The following LOC400499 variants were observed in gnomAD, a reference collection of about 807,000 sequenced individuals.
chr16:11,457,316 G>A, the LOC400499 span, among the ~76,000 whole-genome samples: 5 of 152,310 alleles, frequency 3.3e-5, no homozygotes, highest in South Asian at 4.1e-4. Flanking sequence ...AGATCGGGCC[G>A]GGCACGGTGG....
chr16:11,440,343 C>T, the LOC400499 span, among the ~76,000 whole-genome samples: 1 of 152,162 alleles, frequency 6.6e-6, no homozygotes, highest in Non-Finnish European at 1.5e-5. Context: ...GTGATGAGAA[C>T]CCAGGCAGGA....
chr16:11,484,306 C>A, the LOC400499 span, among the ~76,000 whole-genome samples: 1 of 152,070 alleles, frequency 6.6e-6, no homozygotes, highest in East Asian at 1.9e-4. Flanking sequence ...TACGCCCGGC[C>A]GCAGGAAGAG....
the LOC400499 span, among the ~76,000 whole-genome samples, chr16:11,414,746 TG>T: frequency 2.6e-5 from 4 of 152,224 alleles, no homozygotes; most frequent in African/African-American, 9.6e-5. Flanking sequence ...CTTCTCTCAT[TG>T]AAGTTGAAGT....
At chr16:11,418,724 A>C in the LOC400499 span, among the ~76,000 whole-genome samples, 3 of 152,218 alleles carry the variant, frequency 2.0e-5, no homozygotes, top group Non-Finnish European at 2.9e-5. Flanking sequence ...TTCACAACAC[A>C]ATAGCAGTAG....
chr16:11,421,402 T>C, the LOC400499 span, among the ~76,000 whole-genome samples: 3 of 151,700 alleles, frequency 2.0e-5, no homozygotes. Flanking sequence ...CTGGTATTTT[T>C]TGTGTTGTTT....
At chr16:11,425,051 T>C in the LOC400499 span, 2 of 398,352 alleles carry the variant, frequency 5.0e-6, no homozygotes, top group Non-Finnish European at 8.9e-6. Context: ...TGGAGGCTCA[T>C]TTATCCCCCC....
At chr16:11,452,201 G>GTTT in the LOC400499 span, among the ~76,000 whole-genome samples, 6 of 77,198 alleles carry the variant, frequency 7.8e-5, no homozygotes, top group African/African-American at 2.1e-4. Context: ...CAGTTTTTTT[G>GTTT]TTTGTTTTTT....
chr16:11,448,906 C>A, the LOC400499 span: 2 of 1,457,738 alleles, frequency 1.4e-6, no homozygotes, highest in Non-Finnish European at 1.8e-6. Context: ...GCACGGGCCT[C>A]CTGGGTTCTT....
the LOC400499 span, among the ~76,000 whole-genome samples, chr16:11,372,935 A>G: frequency 7.2e-5 from 11 of 152,340 alleles, no homozygotes; most frequent in Admixed American, 6.5e-4. Flanking sequence ...CTACAGCTGC[A>G]GGGCCTTTGC....
chr16:11,430,046 A>C, the LOC400499 span, among the ~76,000 whole-genome samples: 1 of 152,178 alleles, frequency 6.6e-6, no homozygotes, highest in Non-Finnish European at 1.5e-5. Context: ...AACGTTGGAC[A>C]AACAGACAGA....
the LOC400499 span, chr16:11,399,661 G>A: frequency 1.8e-5 from 7 of 398,640 alleles, no homozygotes; most frequent in African/African-American, 4.1e-5. Flanking sequence ...CTGGAGCGAG[G>A]GGGACCCCCT....
At chr16:11,385,541 T>G in the LOC400499 span, 4 of 570,376 alleles carry the variant, frequency 7.0e-6, no homozygotes, top group Non-Finnish European at 1.0e-5. Flanking sequence ...GAGGCCTGGA[T>G]TCCCCCTCCC....
chr16:11,426,920 A>C, the LOC400499 span, among the ~76,000 whole-genome samples: 1 of 141,614 alleles, frequency 7.1e-6, no homozygotes, highest in Non-Finnish European at 1.5e-5. Context: ...AAAGGCATAA[A>C]AATCAAAATG....
At chr16:11,507,530 C>G in the LOC400499 span, among the ~76,000 whole-genome samples, 1 of 152,184 alleles carries the variant, frequency 6.6e-6, no homozygotes, top group African/African-American at 2.4e-5. Flanking sequence ...GTTTCCTCAT[C>G]TGTAAAATGG....
the LOC400499 span, among the ~76,000 whole-genome samples, chr16:11,432,851 G>T: frequency 6.6e-6 from 1 of 152,218 alleles, no homozygotes; most frequent in Admixed American, 6.5e-5. Context: ...CTGCTAGGAA[G>T]CTCAGAGCCA....
At chr16:11,469,678 CAG>C in the LOC400499 span, 11 of 398,938 alleles carry the variant, frequency 2.8e-5, no homozygotes, top group African/African-American at 1.2e-4. Context: ...CTGGAAATAG[CAG>C]AGTCTTCAAG....
chr16:11,423,797 C>G, the LOC400499 span, among the ~76,000 whole-genome samples: 2 of 152,256 alleles, frequency 1.3e-5, no homozygotes, highest in Non-Finnish European at 2.9e-5. Flanking sequence ...CCTCTACCAT[C>G]TTCATTCTAC....
chr16:11,388,746 C>A, the LOC400499 span, among the ~76,000 whole-genome samples: 1 of 152,314 alleles, frequency 6.6e-6, no homozygotes, highest in East Asian at 1.9e-4. Flanking sequence ...TAGGAACTCC[C>A]AGTCACATCC....
chr16:11,439,988 G>A, the LOC400499 span, among the ~76,000 whole-genome samples: 23 of 152,102 alleles, frequency 1.5e-4, no homozygotes, highest in African/African-American at 5.1e-4. Context: ...TAGCAAAACT[G>A]AGGCTCAGTG....
Sources: allele counts gnomAD v4.1 joint callset (sites outside exome capture counted in the v4.1 genomes callset), GRCh38; gene constraint gnomAD v4.1.1; transcripts MANE v1.5.